The following CUL4A variants were observed in gnomAD, a reference collection of about 807,000 sequenced individuals.
CUL4A encodes cullin 4A.
Under a neutral mutation model 95.5 loss-of-function variants are expected in CUL4A, and 16 were observed. The observed-to-expected ratio is 0.17, with a 90% CI of 0.11 to 0.25. The LOEUF (loss-of-function observed/expected upper bound fraction) is 0.25, where lower values mean the gene tolerates loss of function less well. CUL4A is among the 10% of genes least tolerant of loss of function. CUL4A has a pLI of 1.00. For missense variants in CUL4A, 610 were observed against 937.0 expected (o/e 0.65, Z 4.56); for synonymous variants, 380 against 353.1 (o/e 1.08, Z -0.85).
intron 3 of CUL4A, among the ~76,000 whole-genome samples, chr13:113,226,095 A>C (rs1053214300): frequency 4.5e-4 from 68 of 152,156 alleles, no homozygotes; most frequent in African/African-American, 1.6e-3. Flanking sequence ...ATTCCTCCTC[A>C]GGCTCTGCCT....
intron 10 of CUL4A, 54 bp downstream of exon 10, chr13:113,239,605 G>A: frequency 7.2e-7 from 1 of 1,382,026 alleles, no homozygotes; most frequent in Non-Finnish European, 1.0e-6. Context: ...AGGGAGCAGA[G>A]CCCCTCCTGA....
chr13:113,251,647 T>C (rs1364704762), intron 15 of CUL4A, among the ~76,000 whole-genome samples: 1 of 152,054 alleles, frequency 6.6e-6, no homozygotes, highest in Non-Finnish European at 1.5e-5. Flanking sequence ...ATGTAGCACC[T>C]CCCCCTTCTC....
chr13:113,251,668 G>C (rs1423709066), intron 15 of CUL4A, among the ~76,000 whole-genome samples: 1 of 152,030 alleles, frequency 6.6e-6, no homozygotes, highest in Non-Finnish European at 1.5e-5. Context: ...TCTCTTCCCT[G>C]CTCCCGTCAT....
intron 7 of CUL4A, 142 bp from the exon 8 acceptor site, chr13:113,234,921 C>T (rs2041488678): frequency 3.2e-6 from 2 of 618,434 alleles, no homozygotes; most frequent in Admixed American, 3.0e-5. Flanking sequence ...CTCTCCCTCC[C>T]TGTTAATCTG....
At chr13:113,245,442 G>A (rs1212750858) in intron 14 of CUL4A, among the ~76,000 whole-genome samples, 2 of 152,102 alleles carry the variant, frequency 1.3e-5, no homozygotes, top group Non-Finnish European at 2.9e-5. Context: ...TAGCTACTGG[G>A]GTAGGGCTGA....
chr13:113,209,898 C>G, intron 1 of CUL4A, 75 bp from the exon 2 acceptor site: 9 of 1,229,626 alleles, frequency 7.3e-6, no homozygotes, highest in Middle Eastern at 3.1e-4. Flanking sequence ...GCCGGGGCGC[C>G]GGCCGGGTCG....
chr13:113,235,926 A>C (rs189279965), intron 8 of CUL4A, among the ~76,000 whole-genome samples: 1 of 150,614 alleles, frequency 6.6e-6, no homozygotes, highest in African/African-American at 2.4e-5. Context: ...AGCCGAGATC[A>C]CGCCACTGCA....
chr13:113,262,367 A>G (rs1400876288), intron 19 of CUL4A, among the ~76,000 whole-genome samples: 1 of 152,194 alleles, frequency 6.6e-6, no homozygotes, highest in Non-Finnish European at 1.5e-5. Context: ...GAATAAAACT[A>G]CAGGCCAGGC....
chr13:113,258,447 A>G (rs1331450139), intron 18 of CUL4A, among the ~76,000 whole-genome samples: 3 of 152,212 alleles, frequency 2.0e-5, no homozygotes, highest in African/African-American at 7.2e-5. Flanking sequence ...ATCATATTAA[A>G]TCTTGTGATT....
rs534019736 is a variant in CUL4A, at chr13:113,252,269, A to G, written c.1639-813A>G. 1.1e-4 allele frequency among the ~76,000 whole-genome samples: 16 copies of G among 152,308 alleles called. No individual in the cohort carries two copies. In the South Asian group the frequency reaches 3.1e-3, roughly 30 times the overall value. Reference sequence around the variant, plus strand: ...AAATGTAAGAAATTCACTCAAGGCCAGGCACAGTCTAATTCCAGCGTTTTG... The same window carrying G: ...AAATGTAAGAAATTCACTCAAGGCCGGGCACAGTCTAATTCCAGCGTTTTG... On this transcript the variant is annotated intron_variant, in intron 15 of 19. Transcript: ENST00000375440.
intron 2 of CUL4A, 67 bp downstream of exon 2, chr13:113,210,155 C>G (rs938748711): frequency 1.3e-5 from 15 of 1,131,954 alleles, no homozygotes; most frequent in African/African-American, 9.9e-5. Flanking sequence ...GCCGGGCGGC[C>G]GCTCCGGGTG....
chr13:113,259,848 TACA>T (rs1290171084), intron 18 of CUL4A, among the ~76,000 whole-genome samples: 5 of 152,266 alleles, frequency 3.3e-5, no homozygotes, highest in African/African-American at 4.8e-5. Context: ...TACCTTTTAC[TACA>T]ACAAGTAAAC....
rs115418707 is a variant in CUL4A at position 113,229,537 on chromosome 13, G to A, written c.512+18G>A. ...TCCATCTGGTGAGTGTCCTCACAGCGCAGAGCTGCGTCTTCCCTGCAGCTG... is the reference window on the plus strand; with the variant it reads ...TCCATCTGGTGAGTGTCCTCACAGCACAGAGCTGCGTCTTCCCTGCAGCTG... On this transcript the variant is annotated intron_variant, in intron 5 of 19. Coordinates refer to ENST00000375440, the MANE Select transcript of CUL4A (RefSeq NM_001008895.4). 1,454 of 1,603,126 alleles carry A rather than the reference G, an allele frequency of 9.1e-4. 10 individuals carry two copies. The African/African-American group carries it at 0.016, about 18-fold the overall frequency.
intron 3 of CUL4A, among the ~76,000 whole-genome samples, chr13:113,224,816 C>G (rs985943106): frequency 1.7e-4 from 26 of 152,200 alleles, no homozygotes; most frequent in Non-Finnish European, 3.7e-4. Flanking sequence ...CCTGTTAATG[C>G]TCGGCCAGAT....
chr13:113,213,506 T>C (rs1427754172), intron 2 of CUL4A, among the ~76,000 whole-genome samples: 1 of 152,232 alleles, frequency 6.6e-6, no homozygotes, highest in East Asian at 1.9e-4. Flanking sequence ...ACCTGAACTC[T>C]CAGAGGTCTT....
intron 18 of CUL4A, among the ~76,000 whole-genome samples, chr13:113,259,197 C>G (rs999570082): frequency 6.6e-6 from 1 of 152,206 alleles, no homozygotes; most frequent in African/African-American, 2.4e-5. Flanking sequence ...CAATATACCT[C>G]TTTAGTCTGT....
At chr13:113,250,840 A>G (rs2139265969) in intron 15 of CUL4A, among the ~76,000 whole-genome samples, 1 of 152,290 alleles carries the variant, frequency 6.6e-6, no homozygotes, top group South Asian at 2.1e-4. Flanking sequence ...AATCGATGAT[A>G]TCGTGCCTGG....
intron 2 of CUL4A, among the ~76,000 whole-genome samples, chr13:113,214,350 T>G (rs1036981280): frequency 8.5e-5 from 13 of 152,226 alleles, no homozygotes; most frequent in African/African-American, 2.7e-4. Flanking sequence ...CTGAAGAAAG[T>G]GCATCTTCTG....
intron 8 of CUL4A, among the ~76,000 whole-genome samples, chr13:113,236,275 A>G (rs1034246720): frequency 6.6e-6 from 1 of 152,176 alleles, no homozygotes; most frequent in Non-Finnish European, 1.5e-5. Context: ...CTCGGGGGCC[A>G]TGTTGTGCTT....
Sources: allele counts gnomAD v4.1 joint callset (sites outside exome capture counted in the v4.1 genomes callset), GRCh38; gene constraint gnomAD v4.1.1; transcripts MANE v1.5; gene names NCBI Gene and HGNC (gene_info 2026-07-23, HGNC 2026-07-21).